Variants in IGF2BP2 observed in about 807,000 individuals in gnomAD.
The protein encoded by IGF2BP2 is insulin like growth factor 2 mRNA binding protein 2.
IGF2BP2 carries 17 observed loss-of-function variants against 75.8 expected under a neutral mutation model. That is an observed-to-expected ratio of 0.22 (90% CI 0.15 to 0.34). The LOEUF (loss-of-function observed/expected upper bound fraction) is 0.34. IGF2BP2 is among the 10% of genes least tolerant of loss of function. IGF2BP2 has a pLI of 1.00. For missense variants in IGF2BP2, 516 were observed against 772.4 expected (o/e 0.67, Z 3.93); for synonymous variants, 288 against 295.6 (o/e 0.97, Z 0.26).
chr3:185,716,457 C>A (rs755097350), intron 2 of IGF2BP2: 1 of 515,768 alleles, frequency 1.9e-6, no homozygotes, highest in Non-Finnish European at 3.9e-6. Flanking sequence ...CAAAGAAAAT[C>A]TCAGAGGTCT....
chr3:185,743,667 T>A (rs946156443), intron 2 of IGF2BP2, among the ~76,000 whole-genome samples: 2 of 152,252 alleles, frequency 1.3e-5, no homozygotes, highest in African/African-American at 4.8e-5. Flanking sequence ...ATTAAACAGC[T>A]GGCTTTAGTT....
chr3:185,807,449 T>C (rs775211322), intron 2 of IGF2BP2, among the ~76,000 whole-genome samples: 1 of 152,216 alleles, frequency 6.6e-6, no homozygotes, highest in Non-Finnish European at 1.5e-5. Flanking sequence ...CAGTAATTAT[T>C]ACTACTGTTA....
rs371503567 is a variant in IGF2BP2, at chr3:185,653,852, G to A, written c.1387-1684C>T. ...AGGGAGGCACCAATCCTGAGTCTAG[G>A]TCTCGAGAAAGATCTGTTTAGTGAA... is the stretch of plus-strand genomic sequence containing the variant. On this transcript the variant is annotated intron_variant, in intron 12 of 15. Coordinates refer to ENST00000382199, the MANE Select transcript of IGF2BP2 (RefSeq NM_006548.6). Among the ~76,000 whole-genome samples the A allele has an allele frequency of 1.2e-4, 18 of 152,282 alleles. No homozygotes were observed. In the East Asian group the frequency reaches 2.5e-3, roughly 21 times the overall value.
At chr3:185,732,330 T>G (rs1728303446) in intron 2 of IGF2BP2, among the ~76,000 whole-genome samples, 1 of 152,184 alleles carries the variant, frequency 6.6e-6, no homozygotes, top group Non-Finnish European at 1.5e-5. Flanking sequence ...AGCAACTCCC[T>G]AACATGCACC....
At chr3:185,681,730 C>A (rs992255871) in intron 7 of IGF2BP2, among the ~76,000 whole-genome samples, 1 of 151,982 alleles carries the variant, frequency 6.6e-6, no homozygotes, top group Non-Finnish European at 1.5e-5. Flanking sequence ...ATAAATAGAC[C>A]AATGAAATAG....
intron 10 of IGF2BP2, among the ~76,000 whole-genome samples, chr3:185,660,522 G>A (rs1180040863): frequency 5.3e-5 from 8 of 152,200 alleles, no homozygotes; most frequent in Non-Finnish European, 1.2e-4. Flanking sequence ...TACCAGCCAC[G>A]CCTGCCGGCG....
intron 2 of IGF2BP2, among the ~76,000 whole-genome samples, chr3:185,768,372 C>A (rs1483750714): frequency 6.6e-6 from 1 of 152,092 alleles, no homozygotes; most frequent in African/African-American, 2.4e-5. Context: ...GCTGAGCTAA[C>A]CCGAGGGCTG....
At chr3:185,669,076 T>C (rs574751220) in intron 10 of IGF2BP2, among the ~76,000 whole-genome samples, 68 of 152,126 alleles carry the variant, frequency 4.5e-4, no homozygotes, top group Non-Finnish European at 6.3e-4. Context: ...AAAAAGCATA[T>C]ATTTTAAAAC....
At chr3:185,732,027 C>T (rs1004608057) in intron 2 of IGF2BP2, among the ~76,000 whole-genome samples, 11 of 152,236 alleles carry the variant, frequency 7.2e-5, no homozygotes, top group Middle Eastern at 3.4e-3. Context: ...TTCCGGAGCA[C>T]GTTCAGCTCC....
At position 185,645,618 on chromosome 3, in the gene IGF2BP2, T is replaced by C; in HGVS notation, c.1713A>G (p.Ala571=). 6.2e-7 allele frequency: 1 copy of C among 1,613,302 alleles called. No individual in the cohort carries two copies. The highest frequency in any genetic ancestry group is 2.2e-5 in the East Asian group (1 of 44,852). Residue 571 remains alanine (A), a synonymous_variant, in exon 16 of 16, where the codon GCA becomes GCG. Coordinates refer to ENST00000382199, the MANE Select transcript of IGF2BP2 (RefSeq NM_006548.6). The surrounding 1 kb of genome is among the most constrained non-coding windows in gnomAD (Gnocchi z 4.9). ...GTACAATTTCCCTGATCTTGCGCTG[T>C]GCAGTCTGCAGCAAGGGAGAGAAGG... is the stretch of plus-strand genomic sequence containing the variant. The part of the protein sequence containing the change: ...IIGHFFASQT[A]QRKIREIVQQ...
At chr3:185,680,818 C>A (rs562450319) in intron 7 of IGF2BP2, among the ~76,000 whole-genome samples, 1 of 32,094 alleles carries the variant, frequency 3.1e-5, no homozygotes, top group South Asian at 1.7e-3. Context: ...CAATAAATCA[C>A]ATTAACAGAA....
At chr3:185,692,861 C>G in intron 4 of IGF2BP2, 99 bp from the exon 5 acceptor site, 4 of 945,316 alleles carry the variant, frequency 4.2e-6, no homozygotes, top group African/African-American at 1.6e-5. Context: ...GCATAAAACC[C>G]TCATCACACT....
At chr3:185,722,760 GT>G (rs762872687) in intron 2 of IGF2BP2, among the ~76,000 whole-genome samples, 1 of 152,110 alleles carries the variant, frequency 6.6e-6, no homozygotes, top group Non-Finnish European at 1.5e-5. Flanking sequence ...CTGATGCTAT[GT>G]TTTTATATAG....
At chr3:185,794,829 C>A (rs750213534) in intron 2 of IGF2BP2, among the ~76,000 whole-genome samples, 96 of 152,134 alleles carry the variant, frequency 6.3e-4, no homozygotes, top group Non-Finnish European at 1.0e-3. Flanking sequence ...CCATCCTCCC[C>A]CTTCTCTAGC....
intron 2 of IGF2BP2, chr3:185,713,606 G>C (rs895727922): frequency 7.0e-6 from 3 of 428,026 alleles, no homozygotes; most frequent in African/African-American, 2.0e-5. Context: ...TTAACATTGC[G>C]ATTCTGTGGA....
chr3:185,752,477 C>T (rs1395447808), intron 2 of IGF2BP2, among the ~76,000 whole-genome samples: 1 of 152,162 alleles, frequency 6.6e-6, no homozygotes, highest in Non-Finnish European at 1.5e-5. Flanking sequence ...ACAGCTGAAA[C>T]ATTTCCCCCT....
intron 2 of IGF2BP2, among the ~76,000 whole-genome samples, chr3:185,711,397 G>T (rs946260126): frequency 6.6e-6 from 1 of 152,140 alleles, no homozygotes; most frequent in Non-Finnish European, 1.5e-5. Flanking sequence ...AACATGACAG[G>T]GTTAACATCT....
chr3:185,698,870 A>G (rs909393631), intron 2 of IGF2BP2, among the ~76,000 whole-genome samples: 1 of 150,256 alleles, frequency 6.7e-6, no homozygotes, highest in African/African-American at 2.5e-5. Context: ...GCTGGAGTGC[A>G]GTGGTGTGAC....
chr3:185,709,777 A>G (rs1724543515), intron 2 of IGF2BP2, among the ~76,000 whole-genome samples: 2 of 152,170 alleles, frequency 1.3e-5, no homozygotes, highest in Admixed American at 6.5e-5. Context: ...TTTCCATGTA[A>G]ATCAAAGAGT....
Sources: allele counts gnomAD v4.1 joint callset (sites outside exome capture counted in the v4.1 genomes callset), GRCh38; gene constraint gnomAD v4.1.1; non-coding constraint Gnocchi (gnomAD v3.1); transcripts MANE v1.5; gene names NCBI Gene and HGNC (gene_info 2026-07-23, HGNC 2026-07-21).